RNF135: variants seen among roughly 807,000 people sequenced by gnomAD.
RNF135 encodes the protein ring finger protein 135.
Under a neutral mutation model 41.9 loss-of-function variants are expected in RNF135, and 46 were observed. The observed-to-expected ratio is 1.10, with a 90% CI of 0.87 to 1.40. The LOEUF is 1.40. RNF135 is among the 40% of genes most tolerant of loss of function. The probability of loss-of-function intolerance (pLI) is 0.00; values close to 1 mark genes in which losing one functional copy is unlikely to be tolerated. For missense variants in RNF135, 539 were observed against 549.8 expected (o/e 0.98, Z 0.20); for synonymous variants, 238 against 223.8 (o/e 1.06, Z -0.57).
upstream of RNF135, chr17:30,970,360 C>T (rs1418657504): frequency 6.6e-6 from 1 of 152,190 alleles, no homozygotes; most frequent in Non-Finnish European, 1.5e-5. Flanking sequence ...TGTTGGGAAA[C>T]GCGCTTACAT....
At chr17:30,961,499 G>T in the RNF135 span, among the ~76,000 whole-genome samples, 79 of 151,476 alleles carry the variant, frequency 5.2e-4, 2 homozygotes, top group African/African-American at 1.8e-3. Flanking sequence ...GTCTTGCTCT[G>T]TCACCCAGGC....
upstream of RNF135, chr17:30,969,349 C>T (rs1322542047): frequency 1.3e-5 from 2 of 152,242 alleles, no homozygotes; most frequent in African/African-American, 4.8e-5. Context: ...ATACATCAGT[C>T]AGGATAGGCT....
At chr17:30,976,043 G>A (rs1567738063) in intron 1 of RNF135, 1 of 251,940 alleles carries the variant, frequency 4.0e-6, no homozygotes, top group Non-Finnish European at 7.7e-6. Flanking sequence ...GTCTCGCTCT[G>A]TTGCCAGACT....
rs758826151 is a variant in RNF135 at position 30,988,109 on chromosome 17, G to A, written c.679+3G>A. The A allele has an allele frequency of 3.7e-6, 6 of 1,613,720 alleles. No homozygotes were observed. Among genetic ancestry groups the A allele is most frequent in the Admixed American group, 1.7e-5 (1 of 59,992 alleles). On this transcript the variant is annotated splice_donor_region_variant and intron_variant, in intron 3 of 4. Coordinates refer to ENST00000328381, the MANE Select transcript of RNF135 (RefSeq NM_032322.4). Reference sequence around the variant, plus strand: ...GGCTCCTGAAGCACAAATGCAGGGTGAGCTGATCTTATTTATTGGAGGAGG... The same window carrying A: ...GGCTCCTGAAGCACAAATGCAGGGTAAGCTGATCTTATTTATTGGAGGAGG...
chr17:30,999,662 G>T lies in RNF135; in HGVS notation c.*471G>T, dbSNP rs1908610324. ...GTTAGCCATGTGGGCAGTGAAGCAT[G>T]CCAATGTGATCAATCCCTAGTAAAA... is the stretch of plus-strand genomic sequence containing the variant. On this transcript the variant is annotated 3_prime_UTR_variant, in exon 5 of 5. Transcript: ENST00000328381. 1 of 182,100 alleles carries T rather than the reference G, an allele frequency of 5.5e-6. No individual in the cohort carries two copies. Among genetic ancestry groups the T allele is most frequent in the Non-Finnish European group, 1.2e-5 (1 of 84,118 alleles). The allele number at this position is 182,100 out of a possible 1,614,324, so 11.3% of individuals were successfully genotyped here. A position where few individuals can be genotyped will look rare whatever the true frequency, so the allele number is the denominator to read the frequency against.
intron 1 of RNF135, among the ~76,000 whole-genome samples, chr17:30,976,883 T>A (rs1034177185): frequency 2.0e-5 from 3 of 152,236 alleles, no homozygotes; most frequent in Admixed American, 1.3e-4. Flanking sequence ...CTTGTTTTTT[T>A]ATCCAGTCAA....
At chr17:30,992,831 T>C (rs2142727359) in intron 3 of RNF135, among the ~76,000 whole-genome samples, 1 of 152,148 alleles carries the variant, frequency 6.6e-6, no homozygotes. Context: ...GTAAATTTTG[T>C]TCATTTTTTC....
At chr17:30,978,613 T>TA (rs1258684918) in intron 1 of RNF135, 4 of 150,616 alleles carry the variant, frequency 2.7e-5, no homozygotes, top group African/African-American at 9.9e-5. Context: ...TTTTTTATTT[T>TA]TTATTTTTTT....
At chr17:30,973,281 A>G (rs948012040) in intron 1 of RNF135, 2 of 152,226 alleles carry the variant, frequency 1.3e-5, no homozygotes, top group African/African-American at 4.8e-5. Flanking sequence ...ACTCACAGAT[A>G]TATTATAAAA....
chr17:30,983,353 ATTTTTTTT>A (rs1192298651), intron 1 of RNF135, among the ~76,000 whole-genome samples: 13 of 35,734 alleles, frequency 3.6e-4, no homozygotes, highest in Admixed American at 3.4e-3. Flanking sequence ...ATATATATAT[ATTTTTTTT>A]TTTTTTTTTT....
chr17:30,980,801 G>A lies in RNF135; in HGVS notation c.373-3816G>A, dbSNP rs1215003612. On this transcript the variant is annotated intron_variant, in intron 1 of 4. Transcript: ENST00000328381. ...AGAGACGCTCCTCACTTCCTAGATG[G>A]GATGGTGGCGGGGAAGAGGCGCTCC... 5.1e-3 allele frequency among the ~76,000 whole-genome samples: 766 copies of A among 150,160 alleles called. 9 individuals carry two copies. Among genetic ancestry groups the A allele is most frequent in the African/African-American group, 0.018 (728 of 40,884 alleles).
chr17:30,977,519 A>G (rs1248688717), intron 1 of RNF135, among the ~76,000 whole-genome samples: 2 of 152,012 alleles, frequency 1.3e-5, no homozygotes, highest in African/African-American at 4.8e-5. Flanking sequence ...GACTACAGGC[A>G]TGCGCCACCA....
intron 2 of RNF135, among the ~76,000 whole-genome samples, chr17:30,986,948 GAGAA>G (rs1213185754): frequency 1.3e-5 from 2 of 152,150 alleles, no homozygotes; most frequent in African/African-American, 4.8e-5. Context: ...ATGCAAATGA[GAGAA>G]AGGCAATATC....
intron 1 of RNF135, chr17:30,973,352 G>T (rs1329745987): frequency 1.3e-5 from 2 of 152,004 alleles, no homozygotes; most frequent in Non-Finnish European, 2.9e-5. Context: ...ATGTGCAAAA[G>T]TTTTAAATTT....
At chr17:30,995,681 G>A (rs1269825033) in intron 3 of RNF135, among the ~76,000 whole-genome samples, 1 of 151,996 alleles carries the variant, frequency 6.6e-6, no homozygotes, top group African/African-American at 2.4e-5. Flanking sequence ...TACAGTATTA[G>A]TGTGTGAGAG....
intron 2 of RNF135, 75 bp downstream of exon 2, chr17:30,984,835 A>G (rs1356236156): frequency 6.9e-7 from 1 of 1,449,310 alleles, no homozygotes; most frequent in Non-Finnish European, 9.7e-7. Context: ...AACAACATGA[A>G]CATATTTGAA....
At chr17:30,978,702 A>G (rs1299979348) in intron 1 of RNF135, 2 of 142,086 alleles carry the variant, frequency 1.4e-5, no homozygotes, top group Admixed American at 7.1e-5. Context: ...GAAGGTCAGC[A>G]GATAAACAAG....
the RNF135 span, chr17:30,964,976 T>C: frequency 6.6e-6 from 1 of 152,166 alleles, no homozygotes; most frequent in Non-Finnish European, 1.5e-5. Flanking sequence ...GAGGCATTGC[T>C]CCTGGCTCTG....
chr17:30,980,749 C>T (rs1420468694), intron 1 of RNF135, among the ~76,000 whole-genome samples: 2 of 144,252 alleles, frequency 1.4e-5, no homozygotes, highest in African/African-American at 5.1e-5. Flanking sequence ...AGGTGCTCCC[C>T]ACATCTCAGA....
Sources: gnomAD v4.1 joint callset for allele counts (sites outside exome capture counted in the v4.1 genomes callset) on GRCh38, gnomAD v4.1.1 for gene constraint, MANE v1.5 for transcripts, NCBI Gene and HGNC (gene_info 2026-07-23, HGNC 2026-07-21) for gene names.